Variants in GUCY1A1 observed in about 807,000 individuals in gnomAD.
The protein encoded by GUCY1A1 is guanylate cyclase soluble subunit alpha-1.
Under a neutral mutation model 64.5 loss-of-function variants are expected in GUCY1A1, and 48 were observed. The observed-to-expected ratio is 0.74, with a 90% CI of 0.59 to 0.95. The LOEUF (loss-of-function observed/expected upper bound fraction) is 0.95, where lower values mean the gene tolerates loss of function less well. Among genes scored for constraint, GUCY1A1 ranks in the 40% least tolerant of loss-of-function variants. GUCY1A1 has a pLI of 0.00. For synonymous variants in GUCY1A1, 308 were observed against 303.4 expected, an observed-to-expected ratio of 1.02 and a Z score of -0.16; for missense variants, 804 against 825.3, an observed-to-expected ratio of 0.97 and a Z score of 0.32.
At chr4:155,677,868 G>GTA (rs947820323) in intron 2 of GUCY1A1, among the ~76,000 whole-genome samples, 3 of 145,806 alleles carry the variant, frequency 2.1e-5, no homozygotes, top group African/African-American at 7.5e-5. Context: ...ATATATATAT[G>GTA]TATATATATG....
intron 2 of GUCY1A1, among the ~76,000 whole-genome samples, chr4:155,685,603 GTT>G (rs70954055): frequency 0.31 from 33,622 of 109,024 alleles, 5,384 homozygotes; most frequent in South Asian, 0.42. Flanking sequence ...TTCTCCTTGT[GTT>G]TTTTTTTTTT....
chr4:155,693,247 G>C (rs1056920767), intron 2 of GUCY1A1, among the ~76,000 whole-genome samples: 1 of 152,076 alleles, frequency 6.6e-6, no homozygotes, highest in Non-Finnish European at 1.5e-5. Context: ...AAGTTTATTT[G>C]GAGGCTGTTT....
At chr4:155,682,983 T>C (rs1736019537) in intron 2 of GUCY1A1, among the ~76,000 whole-genome samples, 2 of 152,124 alleles carry the variant, frequency 1.3e-5, no homozygotes, top group Non-Finnish European at 2.9e-5. Context: ...TATATTTTAT[T>C]GAGATTAGTT....
intron 2 of GUCY1A1, among the ~76,000 whole-genome samples, chr4:155,676,150 A>T (rs965048733): frequency 8.5e-5 from 9 of 106,338 alleles, no homozygotes; most frequent in Non-Finnish European, 1.3e-4. Context: ...ATAGCTTTTT[A>T]AAGTAAAGAG....
At position 155,713,368 on chromosome 4, in the gene GUCY1A1, C is replaced by A; in HGVS notation, c.1357C>A (p.Leu453Ile). 1 of 1,614,062 alleles carries A rather than the reference C, an allele frequency of 6.2e-7. No individual in the cohort carries two copies. The highest frequency in any genetic ancestry group is 2.2e-5 in the East Asian group (1 of 44,876). ...LEEEKKKTVD[L>I]LCSIFPCEVA... ...GGAGGAGAAGAAAAAGACAGTAGACCTTCTGTGCTCCATATTTCCCTGTGA... is the reference window on the plus strand; with the variant it reads ...GGAGGAGAAGAAAAAGACAGTAGACATTCTGTGCTCCATATTTCCCTGTGA... The change falls in exon 7 of 10, where the codon CTT becomes ATT. Residue 453 changes from leucine to isoleucine, a missense_variant. Physicochemically the swap from Leu to Ile is conservative, Grantham distance 5. Coordinates refer to ENST00000506455, the MANE Select transcript of GUCY1A1 (RefSeq NM_001130682.3).
intron 8 of GUCY1A1, 69 bp from the exon 9 acceptor site, chr4:155,721,969 C>A: frequency 9.2e-7 from 1 of 1,086,012 alleles, no homozygotes; most frequent in Non-Finnish European, 1.4e-6. Flanking sequence ...AGACGGTATT[C>A]AAACGACACT....
At chr4:155,688,420 AATC>A (rs1356385625) in intron 2 of GUCY1A1, among the ~76,000 whole-genome samples, 2 of 152,192 alleles carry the variant, frequency 1.3e-5, no homozygotes, top group South Asian at 4.1e-4. Context: ...GATGTCATGT[AATC>A]ATCAAGTTCA....
At position 155,696,998 on chromosome 4, in the gene GUCY1A1, T is replaced by C. The variant is rs1387962372; in HGVS notation, c.131T>C (p.Val44Ala). ...AGCTCAGAGAGCTGCAAAGCAACCG[T>C]GCCCATCTGTCAAGACATTCCTGAG... ...AGSSESCKAT[V>A]PICQDIPEKN... The change falls in exon 3 of 10, where the codon GTG (valine) becomes GCG (alanine). Residue 44 changes from valine to alanine, a missense_variant. Coordinates refer to ENST00000506455, the MANE Select transcript of GUCY1A1 (RefSeq NM_001130682.3). The C allele has an allele frequency of 6.2e-7, 1 of 1,613,710 alleles. No individual in the cohort carries two copies. Among genetic ancestry groups the C allele is most frequent in the Non-Finnish European group, 8.5e-7 (1 of 1,179,768 alleles).
At position 155,713,116 on chromosome 4, in the gene GUCY1A1, C is replaced by T. The variant is rs1255122702; in HGVS notation, c.1105C>T (p.Gln369Ter). 1 of 1,611,170 alleles carries T rather than the reference C, an allele frequency of 6.2e-7. No individual in the cohort carries two copies. The highest frequency in any genetic ancestry group is 8.5e-7 in the Non-Finnish European group (1 of 1,178,188). Residue 369 changes from glutamine (Q) to a stop codon, truncating the protein, a stop_gained, in exon 7 of 10, where the codon CAA (glutamine) becomes TAA (stop). Transcript: ENST00000506455. LOFTEE classifies it high-confidence loss of function. ...KSSRVMDLKG[Q>*]MIYIVESSAI... Reference sequence around the variant, plus strand: ...TTCATAGGTTATGGACCTCAAAGGCCAAATGATCTACATTGTTGAATCCAG... The same window carrying T: ...TTCATAGGTTATGGACCTCAAAGGCTAAATGATCTACATTGTTGAATCCAG...
chr4:155,708,544 C>A (rs1038232082), intron 5 of GUCY1A1, among the ~76,000 whole-genome samples: 6 of 152,152 alleles, frequency 3.9e-5, no homozygotes, highest in Non-Finnish European at 7.3e-5. Flanking sequence ...CACAGATATT[C>A]ACAGGCTTTG....
Position 155,694,630 on chromosome 4 carries a change from CA to C in GUCY1A1, c.-112-2125del, listed in dbSNP as rs1278397536. ...GGTTGTATTGGAACACATCTGTGCC[CA>C]TTCATTTGTATATCATCTCTGGCTG... On this transcript the variant is annotated intron_variant, in intron 2 of 9. Coordinates refer to ENST00000506455, the MANE Select transcript of GUCY1A1 (RefSeq NM_001130682.3). Among the ~76,000 whole-genome samples, 18 of 152,156 alleles carry C rather than the reference CA, an allele frequency of 1.2e-4. 1 individual carries two copies. The highest frequency in any genetic ancestry group is 4.4e-5 in the Non-Finnish European group (3 of 68,030).
intron 2 of GUCY1A1, among the ~76,000 whole-genome samples, chr4:155,684,972 G>A (rs2126641752): frequency 6.6e-6 from 1 of 152,218 alleles, no homozygotes; most frequent in African/African-American, 2.4e-5. Flanking sequence ...TGTTTTCCCA[G>A]ATTACATTTT....
chr4:155,672,301 A>G (rs1169241344), intron 2 of GUCY1A1, among the ~76,000 whole-genome samples: 1 of 152,192 alleles, frequency 6.6e-6, no homozygotes, highest in Non-Finnish European at 1.5e-5. Context: ...TCTTCATCCA[A>G]GTAACTATCT....
chr4:155,674,550 T>C (rs776881276), intron 2 of GUCY1A1, among the ~76,000 whole-genome samples: 4 of 151,468 alleles, frequency 2.6e-5, no homozygotes, highest in Non-Finnish European at 4.4e-5. Flanking sequence ...TTTTTAAAAT[T>C]TATTTCTTTT....
chr4:155,722,469 C>A, intron 9 of GUCY1A1: 1 of 1,207,696 alleles, frequency 8.3e-7, no homozygotes, highest in East Asian at 4.5e-5. Context: ...CATATTAATA[C>A]TCTTAGTATG....
At position 155,688,521 on chromosome 4, in the gene GUCY1A1, A is replaced by G. The variant is rs1419141655; in HGVS notation, c.-112-8235A>G. On this transcript the variant is annotated intron_variant, in intron 2 of 9. Transcript: ENST00000506455. ...TTTAAAAGTTTCATCAGATTATTTT[A>G]CCTAAATTATAATGTACTCTGTGGA... Among the ~76,000 whole-genome samples the G allele has an allele frequency of 3.3e-5, 5 of 152,282 alleles. No individual in the cohort carries two copies. In the East Asian group the frequency reaches 9.7e-4, roughly 29 times the overall value.
chr4:155,680,963 A>AC (rs1376912024), intron 2 of GUCY1A1, among the ~76,000 whole-genome samples: 2 of 151,010 alleles, frequency 1.3e-5, no homozygotes, highest in Non-Finnish European at 2.9e-5. Context: ...ACACACACAC[A>AC]CATGCACACA....
At chr4:155,728,991 G>T (rs1735154699) in intron 9 of GUCY1A1, among the ~76,000 whole-genome samples, 1 of 151,752 alleles carries the variant, frequency 6.6e-6, no homozygotes, top group Non-Finnish European at 1.5e-5. Context: ...TTGTTTAGCA[G>T]ATTACATATT....
rs1732856294 is a variant in GUCY1A1, at chr4:155,713,502, CT to C, written c.1492del (p.Ser498HisfsTer37). The C allele has an allele frequency of 1.2e-6, 2 of 1,614,096 alleles. No individual in the cohort carries two copies. The highest frequency in any genetic ancestry group is 1.7e-5 in the Admixed American group (1 of 60,012). On this transcript the variant is annotated frameshift_variant, in exon 7 of 10. Transcript: ENST00000506455. LOFTEE classifies it high-confidence loss of function. ...VGFTAICSQC[S>X]PLQVITMLNA... Reference sequence around the variant, plus strand: ...GGTTCACTGCCATCTGCTCCCAGTGCTCACCGCTGCAGGTCATCACCATGCT... The same window carrying C: ...GGTTCACTGCCATCTGCTCCCAGTGCCACCGCTGCAGGTCATCACCATGCT...
Sources: allele counts gnomAD v4.1 joint callset (sites outside exome capture counted in the v4.1 genomes callset), GRCh38; gene constraint gnomAD v4.1.1; transcripts MANE v1.5; gene names NCBI Gene and HGNC (gene_info 2026-07-23, HGNC 2026-07-21).